The following CCND1 variants were observed in gnomAD, a reference collection of about 807,000 sequenced individuals.
CCND1 encodes cyclin D1, also known as G1/S-specific cyclin-D1.
CCND1 carries 9 observed loss-of-function variants against 26.1 expected under a neutral mutation model. The ratio of observed to expected loss-of-function variants is 0.35; its 90% confidence interval spans 0.21 to 0.60. CCND1 has a LOEUF of 0.60. CCND1 is among the 20% of genes least tolerant of loss of function. The pLI is 0.79. For missense variants in CCND1, 335 were observed against 392.9 expected (o/e 0.85, Z 1.25); for synonymous variants, 194 against 166.1 (o/e 1.17, Z -1.29).
At chr11:69,650,628 C>T (rs946085934) in intron 4 of CCND1, among the ~76,000 whole-genome samples, 1 of 152,226 alleles carries the variant, frequency 6.6e-6, no homozygotes, top group South Asian at 2.1e-4. Context: ...CATTCATCCT[C>T]AGTCATGCAC....
rs753060017 is a variant in CCND1 at position 69,651,108 on chromosome 11, T to C, written c.724-10T>C. ...CCTCTTCCCACCTCTCCCCACCCTC[T>C]CTCTCTCAGGACTGCCTCCGGGCCT... On this transcript the variant is annotated splice_polypyrimidine_tract_variant and intron_variant, in intron 4 of 4. Coordinates refer to ENST00000227507, the MANE Select transcript of CCND1 (RefSeq NM_053056.3). 1.1e-5 allele frequency: 17 copies of C among 1,610,402 alleles called. No individual in the cohort carries two copies. Among genetic ancestry groups the C allele is most frequent in the African/African-American group, 4.0e-5 (3 of 74,652 alleles).
In CCND1 at chr11:69,654,069, C is replaced by T. The variant is rs1269325777; in HGVS notation, c.*2787C>T. On this transcript the variant is annotated 3_prime_UTR_variant, in exon 5 of 5. Transcript: ENST00000227507. The surrounding 1 kb of genome is among the most constrained non-coding windows in gnomAD (Gnocchi z 6.3). Reference sequence around the variant, plus strand: ...GCTGCGGGCCCACGTGGTTGGGGCCCTGCCCTGGCAGGGTCATCCTGTGCT... The same window carrying T: ...GCTGCGGGCCCACGTGGTTGGGGCCTTGCCCTGGCAGGGTCATCCTGTGCT... The T allele has an allele frequency of 6.5e-6, 4 of 614,414 alleles. No homozygotes were observed. The highest frequency in any genetic ancestry group is 5.5e-5 in the East Asian group (2 of 36,530). The allele number at this position is 614,414 out of a possible 1,614,324, so 38.1% of individuals were successfully genotyped here.
chr11:69,648,564 G>C (rs1590915629), intron 4 of CCND1, among the ~76,000 whole-genome samples: 2 of 152,352 alleles, frequency 1.3e-5, no homozygotes, highest in South Asian at 4.1e-4. Context: ...CCGGACAACG[G>C]GCGGATAGAG....
Position 69,641,374 on chromosome 11 carries a change from A to G in CCND1, c.61A>G (p.Asn21Asp), listed in dbSNP as rs766170770. 2 of 1,613,226 alleles carry G rather than the reference A, an allele frequency of 1.2e-6. No individual in the cohort carries two copies. Among genetic ancestry groups the G allele is most frequent in the South Asian group, 2.2e-5 (2 of 91,076 alleles). Residue 21 changes from asparagine to aspartate, a missense_variant, in exon 1 of 5, where the codon AAC becomes GAC. Coordinates refer to ENST00000227507, the MANE Select transcript of CCND1 (RefSeq NM_053056.3). ...CATCCGCCGCGCGTACCCCGATGCC[A>G]ACCTCCTCAACGACCGGGTGCTGCG... ...ETIRRAYPDA[N>D]LLNDRVLRAM...
In CCND1 at chr11:69,653,436, G is replaced by A; in HGVS notation, c.*2154G>A. On this transcript the variant is annotated 3_prime_UTR_variant, in exon 5 of 5. Coordinates refer to ENST00000227507, the MANE Select transcript of CCND1 (RefSeq NM_053056.3). The stretch of plus-strand genomic sequence containing the variant: ...TTTTTGTAGTTTTTTTTTTTTTTAT[G>A]TGATCAATTTTGACTTAATGTGATT... 1.8e-6 allele frequency: 1 copy of A among 567,388 alleles called. No individual in the cohort carries two copies. Among genetic ancestry groups the A allele is most frequent in the Non-Finnish European group, 3.1e-6 (1 of 326,912 alleles). 35.1% of individuals were successfully genotyped at this position (567,388 alleles called of 1,614,324 possible). A position where few individuals can be genotyped will look rare whatever the true frequency, so the allele number is the denominator to read the frequency against.
rs1044247585 is a variant in CCND1, at chr11:69,643,135, G to A, written c.303G>A (p.Leu101=). ...CCGTGAAAAAGAGCCGCCTGCAGCT[G>A]CTGGGGGCCACTTGCATGTTCGTGG... is the stretch of plus-strand genomic sequence containing the variant. ...LEPVKKSRLQ[L]LGATCMFVAS... is the part of the protein sequence containing the mutation. Residue 101 remains leucine (L), a synonymous_variant, in exon 2 of 5, where the codon CTG becomes CTA. Transcript: ENST00000227507. 4 of 1,610,280 alleles carry A rather than the reference G, an allele frequency of 2.5e-6. No individual in the cohort carries two copies. The highest frequency in any genetic ancestry group is 2.7e-5 in the African/African-American group (2 of 74,804).
chr11:69,648,014 C>A lies in CCND1; in HGVS notation c.595C>A (p.Pro199Thr), dbSNP rs1855806380. The A allele has an allele frequency of 6.2e-7, 1 of 1,613,860 alleles. No individual in the cohort carries two copies. The highest frequency in any genetic ancestry group is 1.7e-5 in the Admixed American group (1 of 60,014). ...CATDVKFISNPPSMVAAGSVV... is the reference protein window; with the variant it reads ...CATDVKFISNTPSMVAAGSVV... ...CTCAGATGTGAAGTTCATTTCCAAT[C>A]CGCCCTCCATGGTGGCAGCGGGGAG... Residue 199 changes from proline to threonine, a missense_variant, in exon 4 of 5, where the codon CCG becomes ACG. By Grantham distance (38) the Pro-to-Thr change is conservative (BLOSUM62 -1). Transcript: ENST00000227507.
intron 3 of CCND1, among the ~76,000 whole-genome samples, chr11:69,646,745 G>C (rs190941487): frequency 6.6e-6 from 1 of 152,204 alleles, no homozygotes; most frequent in Non-Finnish European, 1.5e-5. Flanking sequence ...CACGGTAGGC[G>C]CATGACTGCC....
chr11:69,651,356 C>G lies in CCND1; in HGVS notation c.*74C>G, dbSNP rs1345079984. 1.8e-5 allele frequency: 22 copies of G among 1,255,438 alleles called. No individual in the cohort carries two copies. Among genetic ancestry groups the G allele is most frequent in the Non-Finnish European group, 2.3e-5 (22 of 953,500 alleles). 77.8% of individuals were successfully genotyped at this position (1,255,438 alleles called of 1,614,324 possible). ...CGGCCCCAGGTGCTCCCCTGACAGT[C>G]CCTCCTCTCCGGAGCATTTTGATAC... is the stretch of plus-strand genomic sequence containing the variant. On this transcript the variant is annotated 3_prime_UTR_variant, in exon 5 of 5. Coordinates refer to ENST00000227507, the MANE Select transcript of CCND1 (RefSeq NM_053056.3).
Position 69,653,958 on chromosome 11 carries a change from A to G in CCND1, c.*2676A>G. 3.5e-6 allele frequency: 2 copies of G among 572,626 alleles called. No homozygotes were observed. Among genetic ancestry groups the G allele is most frequent in the South Asian group, 2.2e-5 (1 of 44,660 alleles). 35.5% of individuals were successfully genotyped at this position (572,626 alleles called of 1,614,324 possible). A position where few individuals can be genotyped will look rare whatever the true frequency, so the allele number is the denominator to read the frequency against. ...ATTACACCATAATGCTAATTTAAAG[A>G]GACTCCAAATCTCAATGAAGCCAGC... On this transcript the variant is annotated 3_prime_UTR_variant, in exon 5 of 5. Coordinates refer to ENST00000227507, the MANE Select transcript of CCND1 (RefSeq NM_053056.3).
At position 69,654,156 on chromosome 11, in the gene CCND1, A is replaced by G; in HGVS notation, c.*2874A>G. The G allele has an allele frequency of 1.5e-6, 1 of 662,098 alleles. No homozygotes were observed. Among genetic ancestry groups the G allele is most frequent in the East Asian group, 2.9e-5 (1 of 34,484 alleles). 41.0% of individuals were successfully genotyped at this position (662,098 alleles called of 1,614,324 possible). A position where few individuals can be genotyped will look rare whatever the true frequency, so the allele number is the denominator to read the frequency against. ...CCCCTCCAGAACACGGCTCACGCTT[A>G]CCTCAACCATCCTGGCTGCGGCGTC... is the stretch of plus-strand genomic sequence containing the variant. On this transcript the variant is annotated 3_prime_UTR_variant, in exon 5 of 5. Coordinates refer to ENST00000227507, the MANE Select transcript of CCND1 (RefSeq NM_053056.3). The surrounding 1 kb of genome is among the most constrained non-coding windows in gnomAD (Gnocchi z 6.3).
intron 3 of CCND1, among the ~76,000 whole-genome samples, chr11:69,645,180 TG>T (rs1023035911): frequency 4.0e-5 from 6 of 151,268 alleles, no homozygotes; most frequent in Admixed American, 2.0e-4. Context: ...GGGTCTGGGG[TG>T]GGGGGGCATG....
At position 69,653,768 on chromosome 11, in the gene CCND1, AATTATT is replaced by A. The variant is rs574345911; in HGVS notation, c.*2501_*2506del. On this transcript the variant is annotated 3_prime_UTR_variant, in exon 5 of 5. Coordinates refer to ENST00000227507, the MANE Select transcript of CCND1 (RefSeq NM_053056.3). ...TTGCGTGTAGCTATGGAAGTTGCAT[AATTATT>A]ATTATTATTATTATAACAAGTGTGT... The A allele has an allele frequency of 1.2e-4, 34 of 282,070 alleles. No individual in the cohort carries two copies. The Middle Eastern group carries it at 5.0e-3, about 42-fold the overall frequency. 17.5% of individuals were successfully genotyped at this position (282,070 alleles called of 1,614,324 possible).
At chr11:69,645,180 T>TG (rs1023035911) in intron 3 of CCND1, among the ~76,000 whole-genome samples, 31 of 151,386 alleles carry the variant, frequency 2.0e-4, no homozygotes, top group African/African-American at 7.0e-4. Flanking sequence ...GGGTCTGGGG[T>TG]GGGGGGGCAT....
Position 69,653,837 on chromosome 11 carries a change from C to T in CCND1, c.*2555C>T. 5.7e-6 allele frequency: 2 copies of T among 352,410 alleles called. No individual in the cohort carries two copies. The highest frequency in any genetic ancestry group is 4.3e-5 in the East Asian group (1 of 23,008). 21.8% of individuals were successfully genotyped at this position (352,410 alleles called of 1,614,324 possible). A position where few individuals can be genotyped will look rare whatever the true frequency, so the allele number is the denominator to read the frequency against. ...CACGGCGTTGTACCTGTAGGACTCT[C>T]ATTCGGGATGATTGGAATAGCTTCT... On this transcript the variant is annotated 3_prime_UTR_variant, in exon 5 of 5. Coordinates refer to ENST00000227507, the MANE Select transcript of CCND1 (RefSeq NM_053056.3).
chr11:69,644,556 GC>G (rs1855754980), intron 3 of CCND1, among the ~76,000 whole-genome samples: 1 of 152,228 alleles, frequency 6.6e-6, no homozygotes, highest in Non-Finnish European at 1.5e-5. Flanking sequence ...CCGGCAGCCA[GC>G]CGGGCTCAGC....
At chr11:69,648,250 T>G in intron 4 of CCND1, 108 bp downstream of exon 4, 2 of 1,371,548 alleles carry the variant, frequency 1.5e-6, no homozygotes, top group Non-Finnish European at 2.0e-6. Context: ...GGTGACAAGG[T>G]TGGGGCTGGG....
chr11:69,642,029 C>A (rs1354844000), intron 1 of CCND1, among the ~76,000 whole-genome samples: 1 of 87,358 alleles, frequency 1.1e-5, no homozygotes, highest in Non-Finnish European at 2.3e-5. Flanking sequence ...AGGGTGGGGG[C>A]GGGGAGCGGC....
intron 4 of CCND1, among the ~76,000 whole-genome samples, chr11:69,649,236 G>A (rs1290249067): frequency 6.6e-6 from 1 of 152,198 alleles, no homozygotes; most frequent in Non-Finnish European, 1.5e-5. Flanking sequence ...CCATCAAAAT[G>A]AAACTCGCGT....
Sources: allele counts gnomAD v4.1 joint callset (sites outside exome capture counted in the v4.1 genomes callset), GRCh38; gene constraint gnomAD v4.1.1; non-coding constraint Gnocchi (gnomAD v3.1); transcripts MANE v1.5; gene names NCBI Gene and HGNC (gene_info 2026-07-23, HGNC 2026-07-21).